GABRB2: variants seen among roughly 807,000 people sequenced by gnomAD.
The protein encoded by GABRB2 is gamma-aminobutyric acid receptor subunit beta-2.
GABRB2 carries 16 observed loss-of-function variants against 54.7 expected under a neutral mutation model. The ratio of observed to expected loss-of-function variants is 0.29; its 90% CI spans 0.20 to 0.44. The LOEUF (loss-of-function observed/expected upper bound fraction) is 0.44. GABRB2 is among the 20% of genes least tolerant of loss of function. The pLI, the probability that GABRB2 is intolerant of heterozygous loss-of-function variation, is 1.00. For synonymous variants in GABRB2, 244 were observed against 233.8 expected (o/e 1.04, Z -0.40); for missense variants, 355 against 644.0 (o/e 0.55, Z 4.86).
intron 5 of GABRB2, among the ~76,000 whole-genome samples, chr5:161,354,049 C>T (rs933440922): frequency 6.6e-6 from 1 of 152,016 alleles, no homozygotes; most frequent in African/African-American, 2.4e-5. Flanking sequence ...ATTACCAACA[C>T]AGCAAATTGG....
intron 5 of GABRB2, among the ~76,000 whole-genome samples, chr5:161,398,375 C>T (rs913957019): frequency 6.6e-6 from 1 of 152,162 alleles, no homozygotes; most frequent in Non-Finnish European, 1.5e-5. Flanking sequence ...GTAGTCAAAG[C>T]ACTTAGCTGC....
At chr5:161,421,433 T>C (rs1756847814) in intron 4 of GABRB2, among the ~76,000 whole-genome samples, 1 of 152,208 alleles carries the variant, frequency 6.6e-6, no homozygotes, top group African/African-American at 2.4e-5. Flanking sequence ...GCAGCATCAG[T>C]AGATGGAGGA....
chr5:161,533,837 G>T (rs1760542466), intron 3 of GABRB2, among the ~76,000 whole-genome samples: 1 of 152,018 alleles, frequency 6.6e-6, no homozygotes, highest in African/African-American at 2.4e-5. Flanking sequence ...ATTATTTATG[G>T]TCTGTTAATT....
intron 5 of GABRB2, among the ~76,000 whole-genome samples, chr5:161,382,866 T>G (rs1755510327): frequency 6.6e-6 from 1 of 152,208 alleles, no homozygotes; most frequent in South Asian, 2.1e-4. Flanking sequence ...CCGTGGCTAC[T>G]CAGAGCTGTC....
chr5:161,510,139 T>A (rs544627994), intron 3 of GABRB2, among the ~76,000 whole-genome samples: 2 of 152,054 alleles, frequency 1.3e-5, no homozygotes, highest in South Asian at 4.1e-4. Flanking sequence ...AATCTAATTA[T>A]ACTCTTTTAG....
chr5:161,429,785 C>T (rs1275408034), intron 4 of GABRB2, among the ~76,000 whole-genome samples: 4 of 152,044 alleles, frequency 2.6e-5, no homozygotes, highest in African/African-American at 9.7e-5. Flanking sequence ...GCATAGAGGG[C>T]AGGCTTATGA....
chr5:161,301,022 T>A (rs1431190730), intron 9 of GABRB2, among the ~76,000 whole-genome samples: 3 of 152,192 alleles, frequency 2.0e-5, no homozygotes, highest in African/African-American at 7.2e-5. Context: ...TTGAAAGCCC[T>A]ATAAACAGGA....
intron 3 of GABRB2, among the ~76,000 whole-genome samples, chr5:161,539,114 G>T (rs1760734440): frequency 6.6e-6 from 1 of 152,170 alleles, no homozygotes; most frequent in African/African-American, 2.4e-5. Flanking sequence ...TCTTTGGTTG[G>T]CAAATGTGTT....
At chr5:161,490,487 A>G (rs1385649458) in intron 3 of GABRB2, among the ~76,000 whole-genome samples, 4 of 151,640 alleles carry the variant, frequency 2.6e-5, no homozygotes, top group African/African-American at 9.7e-5. Flanking sequence ...AAACTCTGCC[A>G]GATTGAACCC....
At chr5:161,364,426 G>A (rs958939987) in intron 5 of GABRB2, among the ~76,000 whole-genome samples, 18 of 152,052 alleles carry the variant, frequency 1.2e-4, no homozygotes, top group African/African-American at 4.1e-4. Context: ...AGCATATAGA[G>A]GTTCTTGATA....
intron 3 of GABRB2, among the ~76,000 whole-genome samples, chr5:161,530,965 A>C (rs1368803844): frequency 6.6e-6 from 1 of 152,264 alleles, no homozygotes; most frequent in East Asian, 1.9e-4. Context: ...CTGATCAAAG[A>C]ACACTTCAAG....
At chr5:161,396,149 C>CA (rs1382353800) in intron 5 of GABRB2, among the ~76,000 whole-genome samples, 1 of 152,070 alleles carries the variant, frequency 6.6e-6, no homozygotes, top group African/African-American at 2.4e-5. Context: ...AATGGTTAAC[C>CA]AAAAAGCTTA....
At chr5:161,388,531 A>G (rs543272942) in intron 5 of GABRB2, among the ~76,000 whole-genome samples, 1 of 152,170 alleles carries the variant, frequency 6.6e-6, no homozygotes, top group South Asian at 2.1e-4. Context: ...AACCTAGAAG[A>G]TGGATAATAT....
At chr5:161,315,350 A>C (rs1204483031) in intron 9 of GABRB2, among the ~76,000 whole-genome samples, 1 of 152,172 alleles carries the variant, frequency 6.6e-6, no homozygotes, top group Non-Finnish European at 1.5e-5. Context: ...GGTGCGATTT[A>C]GAGAGAAACT....
At chr5:161,473,195 A>T (rs1013018226) in intron 3 of GABRB2, among the ~76,000 whole-genome samples, 1 of 152,042 alleles carries the variant, frequency 6.6e-6, no homozygotes, top group Non-Finnish European at 1.5e-5. Flanking sequence ...ATTCTCTATT[A>T]AACATTTTGC....
chr5:161,363,733 A>G (rs529201680), intron 5 of GABRB2, among the ~76,000 whole-genome samples: 17 of 152,124 alleles, frequency 1.1e-4, no homozygotes, highest in African/African-American at 4.1e-4. Context: ...AGGGTTAGAA[A>G]GCAATCATTC....
chr5:161,316,078 G>A (rs1256233493), intron 9 of GABRB2, among the ~76,000 whole-genome samples: 1 of 152,180 alleles, frequency 6.6e-6, no homozygotes, highest in Non-Finnish European at 1.5e-5. Context: ...TAACTGAAAG[G>A]AGGTAATGAG....
chr5:161,409,515 A>G (rs1756444947), intron 5 of GABRB2, among the ~76,000 whole-genome samples: 1 of 152,082 alleles, frequency 6.6e-6, no homozygotes. Flanking sequence ...ATGAAATAAT[A>G]TCCATGAAAG....
At chr5:161,449,252 C>G (rs138810597) in intron 4 of GABRB2, among the ~76,000 whole-genome samples, 97 of 152,262 alleles carry the variant, frequency 6.4e-4, no homozygotes, top group African/African-American at 2.2e-3. Context: ...GTCTCAGTTT[C>G]CTCAGCTATA....
Sources: allele counts gnomAD v4.1 joint callset (sites outside exome capture counted in the v4.1 genomes callset), GRCh38; gene constraint gnomAD v4.1.1; transcripts MANE v1.5; gene names NCBI Gene and HGNC (gene_info 2026-07-23, HGNC 2026-07-21).